Variants in CAST observed in about 807,000 individuals in gnomAD.
CAST encodes calpastatin, also known as MIR583 host.
In CAST, 76 loss-of-function variants were observed where a neutral mutation model predicts 119.6. That is an observed-to-expected ratio of 0.64 (90% CI 0.53 to 0.77). The LOEUF (loss-of-function observed/expected upper bound fraction) is 0.77. Among genes scored for constraint, CAST ranks in the 30% least tolerant of loss-of-function variants. CAST has a pLI of 0.00. For synonymous variants in CAST, 319 were observed against 331.6 expected (o/e 0.96, Z 0.41); for missense variants, 953 against 946.5 (o/e 1.01, Z -0.09).
the CAST span, among the ~76,000 whole-genome samples, chr5:96,106,916 G>T: frequency 7.3e-6 from 1 of 137,710 alleles, no homozygotes; most frequent in African/African-American, 2.8e-5. Context: ...CCTGTATTGG[G>T]TGCATATATA....
chr5:96,586,874 A>G (rs148955555), intron 1 of CAST, among the ~76,000 whole-genome samples: 1 of 152,320 alleles, frequency 6.6e-6, no homozygotes, highest in Non-Finnish European at 1.5e-5. Context: ...TAAGCCCTCT[A>G]TGTATGTGAT....
At chr5:96,736,754 C>T (rs1310651148) in intron 10 of CAST, among the ~76,000 whole-genome samples, 1 of 152,032 alleles carries the variant, frequency 6.6e-6, no homozygotes, top group African/African-American at 2.4e-5. Context: ...TTGTTGTTTT[C>T]TCCTTTCAAT....
At chr5:96,650,275 C>T (rs1452580456) in intron 1 of CAST, among the ~76,000 whole-genome samples, 2 of 152,188 alleles carry the variant, frequency 1.3e-5, no homozygotes, top group Non-Finnish European at 2.9e-5. Flanking sequence ...AATTAGGACT[C>T]TTCACGCATT....
chr5:96,580,829 G>A (rs528194008), intron 1 of CAST, among the ~76,000 whole-genome samples: 1 of 152,358 alleles, frequency 6.6e-6, no homozygotes, highest in African/African-American at 2.4e-5. Flanking sequence ...CTCAAAAATC[G>A]TGTTGAAATC....
chr5:96,366,635 G>A, the CAST span, among the ~76,000 whole-genome samples: 6 of 152,096 alleles, frequency 3.9e-5, no homozygotes, highest in South Asian at 2.1e-4. Context: ...ACTGAAGCTT[G>A]TGCATTTGTC....
chr5:96,611,388 G>A (rs973635466), intron 1 of CAST, among the ~76,000 whole-genome samples: 1 of 152,090 alleles, frequency 6.6e-6, no homozygotes, highest in Non-Finnish European at 1.5e-5. Context: ...AATGGTGCTG[G>A]GAAAACTGGT....
the CAST span, among the ~76,000 whole-genome samples, chr5:96,479,819 G>A: frequency 2.6e-5 from 4 of 152,084 alleles, no homozygotes; most frequent in Non-Finnish European, 5.9e-5. Context: ...GGTGGGAATT[G>A]TAGTAAATTA....
chr5:95,975,670 G>A, the CAST span, among the ~76,000 whole-genome samples: 1 of 152,186 alleles, frequency 6.6e-6, no homozygotes, highest in Non-Finnish European at 1.5e-5. Context: ...CATGCAGTGA[G>A]CAGTATAAAT....
At chr5:96,359,353 G>A in the CAST span, among the ~76,000 whole-genome samples, 8 of 152,134 alleles carry the variant, frequency 5.3e-5, no homozygotes, top group East Asian at 1.9e-4. Context: ...ATATTGTTAC[G>A]TGTGAATTTG....
chr5:96,162,233 A>G, the CAST span, among the ~76,000 whole-genome samples: 7 of 152,192 alleles, frequency 4.6e-5, no homozygotes, highest in African/African-American at 1.7e-4. Context: ...ATAAATTATG[A>G]TATTAGCTAT....
intron 1 of CAST, among the ~76,000 whole-genome samples, chr5:96,588,796 A>G (rs1299524820): frequency 2.6e-5 from 4 of 152,202 alleles, no homozygotes; most frequent in African/African-American, 7.2e-5. Context: ...TGATTTCTCT[A>G]TGCAATCTTC....
At chr5:96,264,469 C>A in the CAST span, among the ~76,000 whole-genome samples, 1 of 147,596 alleles carries the variant, frequency 6.8e-6, no homozygotes, top group Non-Finnish European at 1.5e-5. Flanking sequence ...AAAGAAAAAC[C>A]TCTTTCTTGA....
At chr5:96,098,251 A>G in the CAST span, among the ~76,000 whole-genome samples, 1 of 152,150 alleles carries the variant, frequency 6.6e-6, no homozygotes, top group East Asian at 1.9e-4. Context: ...TAGTTTGCAA[A>G]TATTTTCTCC....
the CAST span, among the ~76,000 whole-genome samples, chr5:96,275,155 C>T: frequency 5.3e-3 from 810 of 152,308 alleles, 9 homozygotes; most frequent in African/African-American, 0.018. Flanking sequence ...TGAGATAATT[C>T]ACAGCTAGTC....
At chr5:96,451,165 T>C in the CAST span, among the ~76,000 whole-genome samples, 1 of 152,196 alleles carries the variant, frequency 6.6e-6, no homozygotes, top group African/African-American at 2.4e-5. Context: ...TCTTAGACTG[T>C]ACACTCCTGG....
chr5:96,086,247 G>T, the CAST span, among the ~76,000 whole-genome samples: 1 of 151,936 alleles, frequency 6.6e-6, no homozygotes, highest in Non-Finnish European at 1.5e-5. Flanking sequence ...TGAATCCCAG[G>T]ATCAGAACCT....
intron 22 of CAST, 54 bp downstream of exon 22, chr5:96,754,795 C>A (rs1374542392): frequency 2.0e-6 from 2 of 1,017,422 alleles, no homozygotes; most frequent in Non-Finnish European, 3.1e-6. Flanking sequence ...TGAATTCATA[C>A]ACAGAACAAA....
intron 1 of CAST, among the ~76,000 whole-genome samples, chr5:96,593,063 C>T (rs1012787634): frequency 1.3e-5 from 2 of 152,234 alleles, no homozygotes; most frequent in South Asian, 2.1e-4. Flanking sequence ...CTGTGCCCAG[C>T]CTGGCACTTA....
the CAST span, among the ~76,000 whole-genome samples, chr5:96,240,993 A>G: frequency 6.6e-6 from 1 of 152,126 alleles, no homozygotes; most frequent in Non-Finnish European, 1.5e-5. Flanking sequence ...AATGTATAAT[A>G]TGCTACTATT....
Sources: gnomAD v4.1 joint callset for allele counts (sites outside exome capture counted in the v4.1 genomes callset) on GRCh38, gnomAD v4.1.1 for gene constraint, MANE v1.5 for transcripts, NCBI Gene and HGNC (gene_info 2026-07-23, HGNC 2026-07-21) for gene names.